The following PRKN variants were observed in gnomAD, a reference collection of about 807,000 sequenced individuals.
PRKN encodes parkin RBR E3 ubiquitin protein ligase, also known as E3 ubiquitin-protein ligase parkin.
A neutral mutation model predicts 59.5 loss-of-function variants in PRKN; 56 were observed. The ratio of observed to expected loss-of-function variants is 0.94; its 90% confidence interval spans 0.76 to 1.18. The LOEUF (loss-of-function observed/expected upper bound fraction) is 1.18, where lower values mean the gene tolerates loss of function less well. PRKN is among the 50% of genes most tolerant of loss of function. PRKN has a pLI of 0.00. For synonymous variants in PRKN, 250 were observed against 222.1 expected (o/e 1.13, Z -1.12); for missense variants, 657 against 596.4 (o/e 1.10, Z -1.06).
intron 1 of PRKN, among the ~76,000 whole-genome samples, chr6:162,564,378 T>C (rs1779975490): frequency 6.6e-6 from 1 of 151,398 alleles, no homozygotes; most frequent in African/African-American, 2.4e-5. Context: ...AAAACAGTAA[T>C]TGGCCTATTG....
At chr6:162,658,722 A>G (rs141878913) in intron 1 of PRKN, among the ~76,000 whole-genome samples, 200 of 152,000 alleles carry the variant, frequency 1.3e-3, no homozygotes, top group Middle Eastern at 6.8e-3. Flanking sequence ...AAGAAAAAAA[A>G]AAGAAATAGC....
chr6:161,701,853 C>G (rs1786265336), intron 7 of PRKN, among the ~76,000 whole-genome samples: 1 of 152,100 alleles, frequency 6.6e-6, no homozygotes, highest in Admixed American at 6.6e-5. Flanking sequence ...TTATAAATAG[C>G]ATGTATCCCA....
intron 9 of PRKN, among the ~76,000 whole-genome samples, chr6:161,426,761 C>T (rs1194749089): frequency 6.6e-6 from 1 of 152,000 alleles, no homozygotes; most frequent in Non-Finnish European, 1.5e-5. Context: ...CTCTGTCACC[C>T]AGGCTGGAGT....
At chr6:161,722,700 A>T (rs926864464) in intron 7 of PRKN, among the ~76,000 whole-genome samples, 1 of 152,212 alleles carries the variant, frequency 6.6e-6, no homozygotes, top group South Asian at 2.1e-4. Context: ...GAATGCATTT[A>T]AAAATATTTT....
At chr6:161,587,315 A>G (rs1425299525) in intron 7 of PRKN, among the ~76,000 whole-genome samples, 1 of 152,240 alleles carries the variant, frequency 6.6e-6, no homozygotes, top group East Asian at 1.9e-4. Context: ...TTTAAAAGCT[A>G]TAAAGAAGAC....
chr6:161,791,893 G>A (rs145203535), intron 6 of PRKN, among the ~76,000 whole-genome samples: 74 of 152,306 alleles, frequency 4.9e-4, no homozygotes, highest in Non-Finnish European at 8.8e-4. Context: ...GTGCAGAAAC[G>A]GCAATGTGTG....
chr6:162,062,513 C>A (rs1444758530), intron 4 of PRKN, among the ~76,000 whole-genome samples: 2 of 152,072 alleles, frequency 1.3e-5, no homozygotes, highest in African/African-American at 4.8e-5. Flanking sequence ...TAGGTCTTGA[C>A]AGAGGAAATT....
chr6:162,649,972 TAGAC>T (rs929366972), intron 1 of PRKN, among the ~76,000 whole-genome samples: 3 of 152,166 alleles, frequency 2.0e-5, no homozygotes, highest in African/African-American at 4.8e-5. Context: ...GCCTGGGAAT[TAGAC>T]AGCAAAGTGC....
chr6:162,599,059 C>A (rs1781598264), intron 1 of PRKN, among the ~76,000 whole-genome samples: 1 of 151,910 alleles, frequency 6.6e-6, no homozygotes, highest in Non-Finnish European at 1.5e-5. Context: ...TCCCAGTATA[C>A]ATCCTAAAAA....
chr6:162,495,056 T>C (rs1011750980), intron 1 of PRKN, among the ~76,000 whole-genome samples: 1 of 152,226 alleles, frequency 6.6e-6, no homozygotes, highest in Non-Finnish European at 1.5e-5. Context: ...TGGTGGAGTT[T>C]GATATCCACA....
At chr6:161,749,461 A>G (rs185779357) in intron 7 of PRKN, among the ~76,000 whole-genome samples, 292 of 152,342 alleles carry the variant, frequency 1.9e-3, no homozygotes, top group African/African-American at 6.7e-3. Context: ...AGTAATTTGC[A>G]GGATCAATTT....
intron 1 of PRKN, among the ~76,000 whole-genome samples, chr6:162,696,421 G>A (rs1010326921): frequency 6.6e-6 from 1 of 151,874 alleles, no homozygotes; most frequent in African/African-American, 2.4e-5. Flanking sequence ...GTGTGTTCCT[G>A]TCCCCTTGAC....
intron 10 of PRKN, among the ~76,000 whole-genome samples, chr6:161,368,319 T>TTATATATATTTG (rs200875107): frequency 4.3e-4 from 61 of 143,164 alleles, no homozygotes; most frequent in Non-Finnish European, 8.5e-4. Context: ...GTATATATAT[T>TTATATATATTTG]TATATATATT....
intron 7 of PRKN, among the ~76,000 whole-genome samples, chr6:161,749,269 T>C (rs1258671707): frequency 6.6e-6 from 1 of 152,212 alleles, no homozygotes; most frequent in Non-Finnish European, 1.5e-5. Flanking sequence ...TCTATCTTTG[T>C]AAGCCACAGA....
intron 7 of PRKN, among the ~76,000 whole-genome samples, chr6:161,759,565 G>A (rs963589012): frequency 1.3e-5 from 2 of 152,046 alleles, no homozygotes; most frequent in Non-Finnish European, 2.9e-5. Flanking sequence ...ACAGATTTTC[G>A]GCACCTATCA....
At position 161,545,074 on chromosome 6, in the gene PRKN, T is replaced by C. The variant is rs764152211; in HGVS notation, c.1083+3780A>G. The C allele has an allele frequency of 2.3e-5, 22 of 945,272 alleles. No individual in the cohort carries two copies. The highest frequency in any genetic ancestry group is 2.8e-5 in the Non-Finnish European group (21 of 738,228). The allele number at this position is 945,272 out of a possible 1,614,324, so 58.6% of individuals were successfully genotyped here. On this transcript the variant is annotated intron_variant, in intron 9 of 11. Coordinates refer to ENST00000366898, the MANE Select transcript of PRKN (RefSeq NM_004562.3). The surrounding 1 kb of genome is among the most constrained non-coding windows in gnomAD (Gnocchi z 4.1). ...GCCCAGAGCTCAACACATGGGTGTC[T>C]AGCTCCGAACAATTTTAAATCCCAC...
intron 6 of PRKN, among the ~76,000 whole-genome samples, chr6:161,832,036 T>C (rs1399778285): frequency 6.6e-6 from 1 of 152,204 alleles, no homozygotes; most frequent in Admixed American, 6.5e-5. Context: ...GTTTCTCCCA[T>C]GTAGGATTGG....
chr6:162,153,291 C>T (rs149152765), intron 4 of PRKN, among the ~76,000 whole-genome samples: 191 of 152,298 alleles, frequency 1.3e-3, no homozygotes, highest in Non-Finnish European at 2.2e-3. Context: ...GCACCCCTTG[C>T]GGGAAGGAAC....
At chr6:162,059,321 C>G (rs1447884151) in intron 4 of PRKN, among the ~76,000 whole-genome samples, 1 of 45,404 alleles carries the variant, frequency 2.2e-5, no homozygotes, top group African/African-American at 1.5e-4. Flanking sequence ...GACTTTAACA[C>G]AGTAAAATAG....
Sources: gnomAD v4.1 joint callset for allele counts (sites outside exome capture counted in the v4.1 genomes callset) on GRCh38, gnomAD v4.1.1 for gene constraint, Gnocchi (gnomAD v3.1) non-coding constraint, MANE v1.5 for transcripts, NCBI Gene and HGNC (gene_info 2026-07-23, HGNC 2026-07-21) for gene names.